The following PLEKHG1 variants were observed in gnomAD, a reference collection of about 807,000 sequenced individuals.
PLEKHG1 encodes the protein pleckstrin homology and RhoGEF domain containing G1, also known as pleckstrin homology domain-containing family G member 1.
A neutral mutation model predicts 100.8 loss-of-function variants in PLEKHG1; 44 were observed. That is an observed-to-expected ratio of 0.44 (90% CI 0.34 to 0.56). The LOEUF (loss-of-function observed/expected upper bound fraction) is 0.56, where lower values mean the gene tolerates loss of function less well. Among genes scored for constraint, PLEKHG1 ranks in the 20% least tolerant of loss-of-function variants. The pLI is 0.01. For synonymous variants in PLEKHG1, 640 were observed against 662.5 expected, an observed-to-expected ratio of 0.97 and a Z score of 0.52; for missense variants, 1,545 against 1,720.9, an observed-to-expected ratio of 0.90 and a Z score of 1.81.
intron 3 of PLEKHG1, among the ~76,000 whole-genome samples, chr6:150,667,698 C>T (rs1277635770): frequency 1.3e-5 from 2 of 152,144 alleles, no homozygotes; most frequent in East Asian, 3.9e-4. Flanking sequence ...TAATATTACC[C>T]GGTTTTCCTC....
intron 1 of PLEKHG1, among the ~76,000 whole-genome samples, chr6:150,607,639 T>C (rs1332667984): frequency 6.6e-6 from 1 of 152,190 alleles, no homozygotes; most frequent in Non-Finnish European, 1.5e-5. Context: ...CTGGGATTAC[T>C]GAGTGGGTGG....
chr6:150,750,712 C>T (rs1383479621), intron 2 of PLEKHG1, among the ~76,000 whole-genome samples: 2 of 125,800 alleles, frequency 1.6e-5, no homozygotes, highest in African/African-American at 6.8e-5. Context: ...ACCCGGGAGG[C>T]GGAGCTTGCA....
chr6:150,650,074 GAAAGA>G (rs1562409284), intron 2 of PLEKHG1, among the ~76,000 whole-genome samples: 1 of 128,458 alleles, frequency 7.8e-6, no homozygotes, highest in African/African-American at 2.9e-5. Context: ...AAAAAAAAAA[GAAAGA>G]AAAAAAAAAC....
intron 15 of PLEKHG1, among the ~76,000 whole-genome samples, chr6:150,837,684 G>C (rs1451732233): frequency 6.6e-6 from 1 of 152,224 alleles, no homozygotes; most frequent in African/African-American, 2.4e-5. Flanking sequence ...TTTCAGGCAG[G>C]TCTGCTAACT....
At chr6:150,759,195 G>A (rs1370786030) in intron 2 of PLEKHG1, among the ~76,000 whole-genome samples, 4 of 152,216 alleles carry the variant, frequency 2.6e-5, no homozygotes, top group Non-Finnish European at 5.9e-5. Context: ...TCTTGAACGT[G>A]GCAGATGGTT....
At chr6:150,711,632 G>T (rs563717941) in intron 3 of PLEKHG1, among the ~76,000 whole-genome samples, 66 of 152,238 alleles carry the variant, frequency 4.3e-4, no homozygotes, top group Non-Finnish European at 8.4e-4. Context: ...ATGTTGACAT[G>T]CTGTTATCAT....
intron 1 of PLEKHG1, among the ~76,000 whole-genome samples, chr6:150,618,684 G>T (rs1777166110): frequency 6.6e-6 from 1 of 152,170 alleles, no homozygotes; most frequent in African/African-American, 2.4e-5. Flanking sequence ...AATTTTAAAT[G>T]TATATTATTT....
At chr6:150,709,284 G>A (rs1411487587) in intron 3 of PLEKHG1, among the ~76,000 whole-genome samples, 3 of 152,104 alleles carry the variant, frequency 2.0e-5, no homozygotes, top group South Asian at 2.1e-4. Flanking sequence ...TCAGTGAGCC[G>A]AGATTGCGCC....
In PLEKHG1 at chr6:150,772,115, G is replaced by A. The variant is rs187821563; in HGVS notation, c.512+3377G>A. 2.9e-4 allele frequency among the ~76,000 whole-genome samples: 44 copies of A among 152,284 alleles called. 1 individual carries two copies. The highest frequency in any genetic ancestry group is 1.0e-3 in the African/African-American group (42 of 41,546). On this transcript the variant is annotated intron_variant, in intron 3 of 15. Coordinates refer to ENST00000358517, the Ensembl canonical transcript of PLEKHG1. ...GTTCTCCAGCATGGGGAAAGGGGAG[G>A]GAGGATCTGGAATTTATAATGTTTT...
At position 150,820,180 on chromosome 6, in the gene PLEKHG1, G is replaced by A. The variant is rs570557621; in HGVS notation, c.1408+406G>A. The stretch of plus-strand genomic sequence containing the variant: ...GCCAAGATCGTGCCACTGCACTCCA[G>A]CATGGGCGACAGAGTGAGACTCTGT... On this transcript the variant is annotated intron_variant, in intron 12 of 15. Coordinates refer to ENST00000358517, the Ensembl canonical transcript of PLEKHG1. 1.2e-4 allele frequency among the ~76,000 whole-genome samples: 18 copies of A among 151,888 alleles called. No individual in the cohort carries two copies. In the South Asian group the frequency reaches 3.5e-3, roughly 30 times the overall value.
At chr6:150,813,121 C>T (rs1435133737) in intron 10 of PLEKHG1, among the ~76,000 whole-genome samples, 1 of 151,792 alleles carries the variant, frequency 6.6e-6, no homozygotes, top group African/African-American at 2.4e-5. Flanking sequence ...CTGGCTAACA[C>T]GGTGAAACCC....
intron 2 of PLEKHG1, among the ~76,000 whole-genome samples, chr6:150,745,767 GA>G (rs1783128985): frequency 1.3e-5 from 2 of 151,254 alleles, no homozygotes; most frequent in South Asian, 2.1e-4. Context: ...GACACATATA[GA>G]AAAAAAGTCA....
At chr6:150,662,828 G>A (rs1779248372) in intron 3 of PLEKHG1, 2 of 152,166 alleles carry the variant, frequency 1.3e-5, no homozygotes, top group South Asian at 4.1e-4. Context: ...GCAATGAACT[G>A]TTCTACCACT....
chr6:150,800,949 GA>G (rs1204629382), intron 6 of PLEKHG1, 80 bp downstream of exon 7: 11 of 1,171,712 alleles, frequency 9.4e-6, no homozygotes, highest in Non-Finnish European at 1.4e-5. Flanking sequence ...GAAAATACCA[GA>G]AAATGCTATG....
At chr6:150,721,148 G>A in exon 1 of PLEKHG1, 1 of 985,406 alleles carries the variant, frequency 1.0e-6, no homozygotes, top group Non-Finnish European at 1.2e-6. Flanking sequence ...CCTGACTGAG[G>A]TCACTGCATC....
chr6:150,607,108 T>C (rs543733496), intron 1 of PLEKHG1, among the ~76,000 whole-genome samples: 3 of 152,148 alleles, frequency 2.0e-5, no homozygotes, highest in Non-Finnish European at 4.4e-5. Context: ...CAACTCTGGC[T>C]GAAATTGGAG....
At chr6:150,769,976 T>C (rs1784636671) in intron 3 of PLEKHG1, among the ~76,000 whole-genome samples, 1 of 152,146 alleles carries the variant, frequency 6.6e-6, no homozygotes, top group African/African-American at 2.4e-5. Flanking sequence ...TCTATATGTC[T>C]AAAATGGTGT....
chr6:150,800,295 C>A (rs922001372), intron 5 of PLEKHG1, among the ~76,000 whole-genome samples: 5 of 152,170 alleles, frequency 3.3e-5, no homozygotes, highest in African/African-American at 9.7e-5. Context: ...GAAGGAACTC[C>A]TTTTTCTTAG....
chr6:150,714,805 G>A lies in PLEKHG1; in HGVS notation c.-98-18779G>A, dbSNP rs534131335. Among the ~76,000 whole-genome samples, 187 of 150,726 alleles carry A rather than the reference G, an allele frequency of 1.2e-3. 1 individual carries two copies. Among genetic ancestry groups the A allele is most frequent in the Middle Eastern group, 0.01 (3 of 294 alleles). Reference sequence around the variant, plus strand: ...CTGCTTTAGACCTATGTCTTTTGCTGACAGAATTTTTTTCTTTTTTTTTGA... The same window carrying A: ...CTGCTTTAGACCTATGTCTTTTGCTAACAGAATTTTTTTCTTTTTTTTTGA... On this transcript the variant is annotated intron_variant, in intron 3 of 3. Coordinates refer to the PLEKHG1 transcript ENST00000367326.
Sources: gnomAD v4.1 joint callset for allele counts (sites outside exome capture counted in the v4.1 genomes callset) on GRCh38, gnomAD v4.1.1 for gene constraint, MANE v1.5 for transcripts, NCBI Gene and HGNC (gene_info 2026-07-23, HGNC 2026-07-21) for gene names.